Variants in PPTC7 observed in about 807,000 individuals in gnomAD.
The protein encoded by PPTC7 is protein phosphatase PTC7 homolog.
A neutral mutation model predicts 30.8 loss-of-function variants in PPTC7; 6 were observed. The observed-to-expected ratio is 0.19, with a 90% CI of 0.11 to 0.38. PPTC7 has a LOEUF of 0.38. PPTC7 is among the 10% of genes least tolerant of loss of function. The probability of loss-of-function intolerance (pLI) is 1.00; values close to 1 mark genes in which losing one functional copy is unlikely to be tolerated. For missense variants in PPTC7, 218 were observed against 404.8 expected (o/e 0.54, Z 3.96); for synonymous variants, 163 against 168.1 (o/e 0.97, Z 0.23).
chr12:110,540,310 T>A (rs1332030743), intron 3 of PPTC7, among the ~76,000 whole-genome samples: 4 of 104,390 alleles, frequency 3.8e-5, no homozygotes, highest in Non-Finnish European at 5.9e-5. Context: ...CCGAATTCCA[T>A]CCCCCCCCGC....
chr12:110,543,261 AG>A (rs1383655499), intron 3 of PPTC7, among the ~76,000 whole-genome samples: 4 of 152,220 alleles, frequency 2.6e-5, no homozygotes, highest in Admixed American at 2.6e-4. Context: ...CTGAGGAAAA[AG>A]GTGGCACATG....
At chr12:110,578,613 G>A (rs2064609145) in intron 1 of PPTC7, among the ~76,000 whole-genome samples, 1 of 152,068 alleles carries the variant, frequency 6.6e-6, no homozygotes, top group Non-Finnish European at 1.5e-5. Flanking sequence ...CATATAAAAA[G>A]AAAGAAACAG....
intron 1 of PPTC7, among the ~76,000 whole-genome samples, chr12:110,575,943 A>G (rs1024989852): frequency 1.3e-5 from 2 of 152,186 alleles, no homozygotes; most frequent in Non-Finnish European, 1.5e-5. Context: ...CCTATATAGC[A>G]AAATGAGAAA....
chr12:110,569,550 C>T (rs2064515757), intron 1 of PPTC7, among the ~76,000 whole-genome samples: 1 of 152,048 alleles, frequency 6.6e-6, no homozygotes, highest in African/African-American at 2.4e-5. Flanking sequence ...GAGTCCCTTT[C>T]TCGGATCCAA....
intron 1 of PPTC7, among the ~76,000 whole-genome samples, chr12:110,573,739 T>C (rs2064559976): frequency 1.3e-5 from 2 of 151,824 alleles, no homozygotes; most frequent in Admixed American, 1.3e-4. Flanking sequence ...CCCAGCACTT[T>C]GGGAGGCCGA....
At chr12:110,537,676 A>G (rs559046366) in intron 5 of PPTC7, among the ~76,000 whole-genome samples, 2 of 152,328 alleles carry the variant, frequency 1.3e-5, no homozygotes, top group Admixed American at 6.5e-5. Context: ...TGTAGATAGG[A>G]CAAGTCTTCA....
chr12:110,582,914 C>G lies in PPTC7; in HGVS notation c.118G>C (p.Gly40Arg), dbSNP rs767565478. 4.5e-6 allele frequency: 7 copies of G among 1,549,892 alleles called. No homozygotes were observed. Among genetic ancestry groups the G allele is most frequent in the Non-Finnish European group, 6.1e-6 (7 of 1,147,238 alleles). Reference sequence around the variant, plus strand: ...CGGAAGTCCTTCCCGAAGCCGCAGCCGGCCGTCACCAGTCCGTAGTCGCCG... The same window carrying G: ...CGGAAGTCCTTCCCGAAGCCGCAGCGGGCCGTCACCAGTCCGTAGTCGCCG... ...GGGDYGLVTA[G>R]CGFGKDFRKG... Residue 40 changes from glycine (G) to arginine (R), a missense_variant, in exon 1 of 6, where the codon GGC (glycine) becomes CGC (arginine). Transcript: ENST00000354300.
chr12:110,582,015 C>CT (rs1438307323), intron 1 of PPTC7, among the ~76,000 whole-genome samples: 17 of 152,300 alleles, frequency 1.1e-4, no homozygotes, highest in Middle Eastern at 3.4e-3. Flanking sequence ...ATATTTAGCC[C>CT]TTTCTGCCAG....
At chr12:110,539,748 T>C (rs2064242682) in intron 4 of PPTC7, 74 bp downstream of exon 4, 1 of 1,361,020 alleles carries the variant, frequency 7.3e-7, no homozygotes, top group Non-Finnish European at 1.0e-6. Flanking sequence ...AAAGAGATAA[T>C]GCAACTGAAT....
Position 110,539,956 on chromosome 12 carries a change from G to C in PPTC7, c.603-11C>G. On this transcript the variant is annotated splice_polypyrimidine_tract_variant and intron_variant, in intron 3 of 5. Transcript: ENST00000354300. The stretch of plus-strand genomic sequence containing the variant: ...TCAGCAGCATCCGGACTGTGGCAAG[G>C]ACAGGGGAGGGACAAAGTTAAGAAG... The C allele has an allele frequency of 6.2e-7, 1 of 1,612,638 alleles. No homozygotes were observed. The highest frequency in any genetic ancestry group is 1.1e-5 in the South Asian group (1 of 90,834).
At chr12:110,558,981 G>A (rs1458295959) in intron 1 of PPTC7, among the ~76,000 whole-genome samples, 1 of 152,058 alleles carries the variant, frequency 6.6e-6, no homozygotes, top group Non-Finnish European at 1.5e-5. Context: ...CAGTATTTAT[G>A]TTTTTACAAA....
Position 110,533,661 on chromosome 12 carries a change from G to A in PPTC7, c.*3376C>T, listed in dbSNP as rs938133581. 2 of 152,186 alleles carry A rather than the reference G, an allele frequency of 1.3e-5. No homozygotes were observed. The highest frequency in any genetic ancestry group is 2.9e-5 in the Non-Finnish European group (2 of 68,034). 9.4% of individuals were successfully genotyped at this position (152,186 alleles called of 1,614,324 possible). A position where few individuals can be genotyped will look rare whatever the true frequency, so the allele number is the denominator to read the frequency against. ...ACAGTTTCCAGAGAAACTGAATGCT[G>A]TAGCTTCTACCAAAGATAGCTGGTA... On this transcript the variant is annotated 3_prime_UTR_variant, in exon 6 of 6. Transcript: ENST00000354300.
intron 1 of PPTC7, among the ~76,000 whole-genome samples, chr12:110,552,456 C>A (rs553054020): frequency 2.6e-5 from 4 of 152,330 alleles, no homozygotes; most frequent in South Asian, 4.1e-4. Flanking sequence ...CATATCCCAT[C>A]CCCTCTCCTT....
At chr12:110,580,674 T>C (rs910493717) in intron 1 of PPTC7, among the ~76,000 whole-genome samples, 8 of 152,100 alleles carry the variant, frequency 5.3e-5, no homozygotes, top group Admixed American at 5.2e-4. Context: ...AGCTTCCATA[T>C]AGAATTTGAT....
intron 1 of PPTC7, among the ~76,000 whole-genome samples, chr12:110,559,568 A>C (rs2064420064): frequency 6.6e-6 from 1 of 151,804 alleles, no homozygotes. Flanking sequence ...TCTACTAAAA[A>C]TACAAAAATT....
chr12:110,578,435 T>C (rs759860799), intron 1 of PPTC7, among the ~76,000 whole-genome samples: 16 of 152,196 alleles, frequency 1.1e-4, no homozygotes, highest in Non-Finnish European at 1.9e-4. Flanking sequence ...TAGAGAATGA[T>C]AGGAGTGGTT....
intron 3 of PPTC7, among the ~76,000 whole-genome samples, chr12:110,542,342 A>G (rs1165130496): frequency 6.6e-6 from 1 of 151,462 alleles, no homozygotes; most frequent in Non-Finnish European, 1.5e-5. Flanking sequence ...GGATGCTTCT[A>G]TATGCAGGGA....
At chr12:110,546,294 TA>T in intron 2 of PPTC7, 1 of 555,220 alleles carries the variant, frequency 1.8e-6, no homozygotes, top group Non-Finnish European at 3.2e-6. Context: ...GTATTATACA[TA>T]GTAATTGGGC....
rs370500182 is a variant in PPTC7, at chr12:110,564,838, A to T, written c.224-12870T>A. Among the ~76,000 whole-genome samples the T allele has an allele frequency of 8.0e-4, 78 of 97,112 alleles. 1 individual carries two copies. Among genetic ancestry groups the T allele is most frequent in the Middle Eastern group, 5.3e-3 (1 of 188 alleles). The allele number at this position is 97,112 out of a possible 152,430, so 63.7% of individuals were successfully genotyped here. A position where few individuals can be genotyped will look rare whatever the true frequency, so the allele number is the denominator to read the frequency against. On this transcript the variant is annotated intron_variant, in intron 1 of 5. Transcript: ENST00000354300. Reference sequence around the variant, plus strand: ...ATATGTGTATATATACATACACGTTATATATATATACACGTATATGTATAT... The same window carrying T: ...ATATGTGTATATATACATACACGTTTTATATATATACACGTATATGTATAT...
Sources: allele counts gnomAD v4.1 joint callset (sites outside exome capture counted in the v4.1 genomes callset), GRCh38; gene constraint gnomAD v4.1.1; transcripts MANE v1.5; gene names NCBI Gene and HGNC (gene_info 2026-07-23, HGNC 2026-07-21).